The following PLEKHA4 variants were observed in gnomAD, a reference collection of about 807,000 sequenced individuals.
The protein encoded by PLEKHA4 is pleckstrin homology domain containing A4.
In PLEKHA4, 73 loss-of-function variants were observed where a neutral mutation model predicts 94.7. That is an observed-to-expected ratio of 0.77 (90% CI 0.64 to 0.94). The LOEUF is 0.94. Ranked by LOEUF, PLEKHA4 falls within the 40% of genes least tolerant of loss-of-function variation. PLEKHA4 has a pLI of 0.00. For missense variants in PLEKHA4, 1,049 were observed against 1,054.1 expected (o/e 1.00, Z 0.07); for synonymous variants, 449 against 437.1 (o/e 1.03, Z -0.34).
intron 8 of PLEKHA4, among the ~76,000 whole-genome samples, chr19:48,858,618 C>A (rs2036512334): frequency 1.3e-5 from 1 of 79,698 alleles, no homozygotes; most frequent in Admixed American, 1.0e-4. Flanking sequence ...CAGAGCAAGA[C>A]CTCAGTCTCA....
At chr19:48,841,018 T>C (rs971191565) in intron 17 of PLEKHA4, 131 bp downstream of exon 17, 3 of 850,572 alleles carry the variant, frequency 3.5e-6, no homozygotes, top group Non-Finnish European at 3.4e-6. Flanking sequence ...AAGTACAAAC[T>C]GGGGTAAATT....
At chr19:48,860,524 C>G in intron 5 of PLEKHA4, 65 bp from the exon 6 acceptor site, 11 of 1,262,662 alleles carry the variant, frequency 8.7e-6, no homozygotes, top group South Asian at 6.1e-5. Flanking sequence ...CAGGCCGGAC[C>G]GGTGACTCAT....
At position 48,848,048 on chromosome 19, in the gene PLEKHA4, G is replaced by C. The variant is rs1052847097; in HGVS notation, c.1426-8C>G. 5 of 1,613,112 alleles carry C rather than the reference G, an allele frequency of 3.1e-6. No individual in the cohort carries two copies. The highest frequency in any genetic ancestry group is 8.5e-7 in the Non-Finnish European group (1 of 1,179,868). On this transcript the variant is annotated splice_polypyrimidine_tract_variant and splice_region_variant and intron_variant, in intron 13 of 19. Transcript: ENST00000263265. ...CTGAGCAGACACTCTGTCCTGCAGG[G>C]AGGAAAGGAATTTGTTACTTAAAGG...
chr19:48,839,994 G>T (rs77838509), intron 17 of PLEKHA4, among the ~76,000 whole-genome samples: 3 of 151,816 alleles, frequency 2.0e-5, no homozygotes, highest in African/African-American at 7.3e-5. Context: ...TGTAATCCCA[G>T]CCACTTGGGA....
intron 13 of PLEKHA4, among the ~76,000 whole-genome samples, chr19:48,849,228 G>A (rs759893963): frequency 1.8e-4 from 27 of 152,086 alleles, no homozygotes; most frequent in Non-Finnish European, 3.5e-4. Flanking sequence ...TGCCAAGTCT[G>A]GATTGTAGAT....
At chr19:48,850,779 T>G (rs2036155590) in intron 13 of PLEKHA4, among the ~76,000 whole-genome samples, 1 of 151,840 alleles carries the variant, frequency 6.6e-6, no homozygotes, top group South Asian at 2.1e-4. Flanking sequence ...ATTGCACCAT[T>G]GCACTCCGGT....
At chr19:48,843,605 C>T (rs1206049765) in intron 16 of PLEKHA4, among the ~76,000 whole-genome samples, 1 of 152,028 alleles carries the variant, frequency 6.6e-6, no homozygotes, top group African/African-American at 2.4e-5. Flanking sequence ...CTCAACCTCC[C>T]AAGCAGCTGG....
chr19:48,864,036 G>A (rs1488900052), intron 3 of PLEKHA4, among the ~76,000 whole-genome samples: 1 of 152,158 alleles, frequency 6.6e-6, no homozygotes, highest in African/African-American at 2.4e-5. Context: ...AGATGACGCT[G>A]ATGCTGCTGG....
intron 9 of PLEKHA4, among the ~76,000 whole-genome samples, chr19:48,856,898 C>CAAAAAAAAA (rs1315657736): frequency 0.014 from 487 of 35,522 alleles, 7 homozygotes; most frequent in East Asian, 0.038. Context: ...GACCCCGTCT[C>CAAAAAAAAA]AAAAAAAAAA....
Position 48,860,611 on chromosome 19 carries a change from C to G in PLEKHA4, c.367-152G>C, listed in dbSNP as rs1267801638. 2.1e-5 allele frequency: 13 copies of G among 616,484 alleles called. No homozygotes were observed. In the Admixed American group the frequency reaches 3.3e-4, roughly 15 times the overall value. The allele number at this position is 616,484 out of a possible 1,614,324, so 38.2% of individuals were successfully genotyped here. On this transcript the variant is annotated intron_variant, in intron 5 of 19. Transcript: ENST00000263265. ...CAGCCTAGGCAACATAATGAGACAC[C>G]CCCCTCCACCTCCTTCCGCCCCCGT...
rs1411113578 is a variant in PLEKHA4, at chr19:48,837,676, C to T, written c.2078-125G>A. On this transcript the variant is annotated intron_variant, in intron 19 of 19. Transcript: ENST00000263265. The surrounding 1 kb of genome is among the most constrained non-coding windows in gnomAD (Gnocchi z 4.3). Reference sequence around the variant, plus strand: ...CCCCTCCTCCATCAGACCCAGGAGTCCAGGCCCCCAGCCCCTCCTCCCTCA... The same window carrying T: ...CCCCTCCTCCATCAGACCCAGGAGTTCAGGCCCCCAGCCCCTCCTCCCTCA... The T allele has an allele frequency of 5.9e-6, 7 of 1,179,052 alleles. No individual in the cohort carries two copies. The highest frequency in any genetic ancestry group is 8.5e-6 in the Non-Finnish European group (7 of 824,390). 73.0% of individuals were successfully genotyped at this position (1,179,052 alleles called of 1,614,324 possible).
At chr19:48,859,269 T>C in intron 7 of PLEKHA4, 130 bp from the exon 8 acceptor site, 1 of 900,624 alleles carries the variant, frequency 1.1e-6, no homozygotes. Flanking sequence ...GTTAGAATCC[T>C]CCTCTACTGT....
At chr19:48,866,338 G>C (rs568286708) in intron 2 of PLEKHA4, among the ~76,000 whole-genome samples, 3 of 151,738 alleles carry the variant, frequency 2.0e-5, no homozygotes, top group Non-Finnish European at 4.4e-5. Context: ...ACAGAGTCTC[G>C]CTCTGTCCCC....
chr19:48,851,233 G>T (rs1312504499), intron 13 of PLEKHA4, among the ~76,000 whole-genome samples: 1 of 152,180 alleles, frequency 6.6e-6, no homozygotes, highest in African/African-American at 2.4e-5. Context: ...TCCATGATGG[G>T]ATTATTATAC....
At position 48,867,702 on chromosome 19, in the gene PLEKHA4, G is replaced by T; in HGVS notation, c.-6-76C>A. 3 of 1,363,280 alleles carry T rather than the reference G, an allele frequency of 2.2e-6. No homozygotes were observed. Among genetic ancestry groups the T allele is most frequent in the South Asian group, 1.3e-5 (1 of 79,932 alleles). The allele number at this position is 1,363,280 out of a possible 1,614,324, so 84.4% of individuals were successfully genotyped here. A position where few individuals can be genotyped will look rare whatever the true frequency, so the allele number is the denominator to read the frequency against. ...CAGAGATGGGGTCAGGGGCTTGGAGGTCGGAGGAGGCTGCAGAGAAAGAGC... is the reference window on the plus strand; with the variant it reads ...CAGAGATGGGGTCAGGGGCTTGGAGTTCGGAGGAGGCTGCAGAGAAAGAGC... On this transcript the variant is annotated intron_variant, in intron 1 of 19. Transcript: ENST00000263265. The surrounding 1 kb of genome is among the most constrained non-coding windows in gnomAD (Gnocchi z 4.7).
rs1392659246 is a variant in PLEKHA4 at position 48,837,389 on chromosome 19, G to A, written c.2240C>T (p.Pro747Leu). Residue 747 changes from proline to leucine, a missense_variant, in exon 20 of 20, where the codon CCC (proline) becomes CTC (leucine). Coordinates refer to ENST00000263265, the MANE Select transcript of PLEKHA4 (RefSeq NM_020904.3). The surrounding 1 kb of genome is among the most constrained non-coding windows in gnomAD (Gnocchi z 4.3). Reference sequence around the variant, plus strand: ...CCCGGCATCCCACGCGGGCCCCCAGGGGGTGGGACCTCCTCCACGCCCACT... The same window carrying A: ...CCCGGCATCCCACGCGGGCCCCCAGAGGGTGGGACCTCCTCCACGCCCACT... ...RGSGRGGGPT[P>L]WGPAWDAGIA... The A allele has an allele frequency of 1.2e-6, 2 of 1,613,602 alleles. No individual in the cohort carries two copies. The highest frequency in any genetic ancestry group is 4.5e-5 in the East Asian group (2 of 44,874).
chr19:48,838,931 C>T (rs16982311), intron 18 of PLEKHA4, among the ~76,000 whole-genome samples: 25,730 of 151,916 alleles, frequency 0.17, 2,422 homozygotes, highest in African/African-American at 0.24. Context: ...ACATGCATTA[C>T]GGGATTTGTA....
intron 9 of PLEKHA4, among the ~76,000 whole-genome samples, chr19:48,856,976 G>A (rs1442988112): frequency 6.7e-6 from 1 of 149,820 alleles, no homozygotes; most frequent in Non-Finnish European, 1.5e-5. Context: ...AGAGGTTTTT[G>A]CGGATTTAAG....
chr19:48,839,282 A>G lies in PLEKHA4; in HGVS notation c.1906-19T>C. On this transcript the variant is annotated intron_variant, in intron 17 of 19. Coordinates refer to ENST00000263265, the MANE Select transcript of PLEKHA4 (RefSeq NM_020904.3). Reference sequence around the variant, plus strand: ...CGACAGGCTGGAAAGGAATTGGGGCATTAGAACTCCTCACCTGGAAGCCCC... The same window carrying G: ...CGACAGGCTGGAAAGGAATTGGGGCGTTAGAACTCCTCACCTGGAAGCCCC... 2 of 1,541,876 alleles carry G rather than the reference A, an allele frequency of 1.3e-6. No homozygotes were observed. Among genetic ancestry groups the G allele is most frequent in the Non-Finnish European group, 1.8e-6 (2 of 1,135,002 alleles).
Sources: gnomAD v4.1 joint callset for allele counts (sites outside exome capture counted in the v4.1 genomes callset) on GRCh38, gnomAD v4.1.1 for gene constraint, Gnocchi (gnomAD v3.1) non-coding constraint, MANE v1.5 for transcripts, NCBI Gene and HGNC (gene_info 2026-07-23, HGNC 2026-07-21) for gene names.